The following KNL1 variants were observed in gnomAD, a reference collection of about 807,000 sequenced individuals.
KNL1 encodes the protein kinetochore scaffold 1, also known as outer kinetochore KNL1 complex subunit KNL1.
A neutral mutation model predicts 201.3 loss-of-function variants in KNL1; 66 were observed. The observed-to-expected ratio is 0.33, with a 90% confidence interval of 0.27 to 0.40. KNL1 has a LOEUF of 0.40. KNL1 is among the 10% of genes least tolerant of loss of function. The pLI, the probability that KNL1 is intolerant of heterozygous loss-of-function variation, is 1.00. For missense variants in KNL1, 2,815 were observed against 2,690.5 expected (o/e 1.05, Z -1.02); for synonymous variants, 895 against 899.2 (o/e 1.00, Z 0.08).
chr15:40,603,576 G>C lies in KNL1; in HGVS notation c.35+610G>C, dbSNP rs572454510. On this transcript the variant is annotated intron_variant, in intron 2 of 25. Coordinates refer to ENST00000399668, the MANE Select transcript of KNL1 (RefSeq NM_144508.5). ...ACTTGAGACCAGCCTGAGCAACATA[G>C]TAAGACACCCCCGCCCCCCCATCTC... Among the ~76,000 whole-genome samples, 160 of 152,284 alleles carry C rather than the reference G, an allele frequency of 1.1e-3. 2 individuals carry two copies. The South Asian group carries it at 0.018, about 17-fold the overall frequency.
intron 22 of KNL1, 61 bp downstream of exon 22, chr15:40,655,038 C>A: frequency 7.6e-7 from 1 of 1,316,796 alleles, no homozygotes; most frequent in Non-Finnish European, 1.1e-6. Context: ...TGGCTCATGC[C>A]TTTAATCCCA....
Position 40,622,218 on chromosome 15 carries a change from C to G in KNL1, c.1954C>G (p.Leu652Val), listed in dbSNP as rs375973443. The G allele has an allele frequency of 6.2e-7, 1 of 1,614,066 alleles. No homozygotes were observed. The highest frequency in any genetic ancestry group is 8.5e-7 in the Non-Finnish European group (1 of 1,179,956). ...TTGGGTTTTGAAGATTTTGCCCTAC[C>G]TTGATAAAGATTCTCCTCAGTCAGC... ...KDWVLKILPY[L>V]DKDSPQSADC... The change falls in exon 10 of 26, where the codon CTT becomes GTT. Residue 652 changes from leucine to valine, a missense_variant. Physicochemically the swap from Leu to Val is conservative, Grantham distance 32 (BLOSUM62 1). Coordinates refer to ENST00000399668, the MANE Select transcript of KNL1 (RefSeq NM_144508.5).
At position 40,621,105 on chromosome 15, in the gene KNL1, A is replaced by T. The variant is rs770406721; in HGVS notation, c.841A>T (p.Met281Leu). ...GCTCTTTAGAGAAAAAGATGATGGGATGAATTTCACCCAGTGTCATACAGC... is the reference window on the plus strand; with the variant it reads ...GCTCTTTAGAGAAAAAGATGATGGGTTGAATTTCACCCAGTGTCATACAGC... ...TRLFREKDDG[M>L]NFTQCHTANI... The change falls in exon 10 of 26, where the codon ATG becomes TTG. Residue 281 changes from methionine (M) to leucine (L), a missense_variant. This residue lies in a region of KNL1 where 2,464 missense variants were observed against 2,291.7 expected (regional missense o/e 1.08). Transcript: ENST00000399668. 5.0e-6 allele frequency: 8 copies of T among 1,613,440 alleles called. No homozygotes were observed. The highest frequency in any genetic ancestry group is 6.8e-6 in the Non-Finnish European group (8 of 1,179,684).
chr15:40,629,192 A>G, intron 12 of KNL1, 81 bp from the exon 13 acceptor site: 1 of 746,328 alleles, frequency 1.3e-6, no homozygotes, highest in African/African-American at 1.8e-5. Context: ...AGATACCTTA[A>G]GCTTTTAGAA....
intron 24 of KNL1, among the ~76,000 whole-genome samples, chr15:40,658,311 C>T (rs1398011927): frequency 4.0e-5 from 6 of 151,252 alleles, no homozygotes; most frequent in African/African-American, 7.3e-5. Flanking sequence ...AGGTGGATCA[C>T]GAGGTCAGGA....
chr15:40,658,827 G>A (rs1226596845), intron 24 of KNL1, among the ~76,000 whole-genome samples: 1 of 151,426 alleles, frequency 6.6e-6, no homozygotes, highest in East Asian at 1.9e-4. Flanking sequence ...CTAATCAGGA[G>A]GCTGAGGCAG....
chr15:40,657,817 T>C (rs1893777929), intron 24 of KNL1, among the ~76,000 whole-genome samples: 1 of 152,202 alleles, frequency 6.6e-6, no homozygotes, highest in African/African-American at 2.4e-5. Flanking sequence ...AACATATTAC[T>C]TGTGTAGTGA....
At chr15:40,630,843 G>C (rs762378776) in intron 13 of KNL1, among the ~76,000 whole-genome samples, 41 of 152,270 alleles carry the variant, frequency 2.7e-4, no homozygotes, top group Admixed American at 6.5e-4. Context: ...GTTCAGACTG[G>C]GCATGGTGGC....
chr15:40,646,481 T>G (rs923713852), intron 16 of KNL1, among the ~76,000 whole-genome samples: 1 of 152,018 alleles, frequency 6.6e-6, no homozygotes, highest in Non-Finnish European at 1.5e-5. Context: ...TTTCCAGAGT[T>G]CTTTTGGCTA....
rs780290051 is a variant in KNL1 at position 40,621,199 on chromosome 15, C to T, written c.935C>T (p.Thr312Ile). 3 of 1,611,720 alleles carry T rather than the reference C, an allele frequency of 1.9e-6. No homozygotes were observed. The highest frequency in any genetic ancestry group is 2.5e-6 in the Non-Finnish European group (3 of 1,178,608). Residue 312 changes from threonine (T) to isoleucine (I), a missense_variant, in exon 10 of 26, where the codon ACA becomes ATA. Thr to Ile is a moderately conservative substitution (Grantham distance 89). Coordinates refer to ENST00000399668, the MANE Select transcript of KNL1 (RefSeq NM_144508.5). ...CGGGAATCTAAAGGTAATGATATTA[C>T]AATTTATGGCAATGACTTTATGGAC... The part of the protein sequence containing the change: ...NSRESKGNDI[T>I]IYGNDFMDLT...
rs760818808 is a variant in KNL1, at chr15:40,629,262, T to C, written c.5584-11T>C. 1.9e-6 allele frequency: 3 copies of C among 1,544,682 alleles called. No individual in the cohort carries two copies. Among genetic ancestry groups the C allele is most frequent in the Non-Finnish European group, 2.6e-6 (3 of 1,144,968 alleles). On this transcript the variant is annotated splice_polypyrimidine_tract_variant and intron_variant, in intron 12 of 25. Transcript: ENST00000399668. ...TTGAATGGTCATGCAAACTTTTTTTTCTTTTCTCAGAAACTCCAAGATGGG... is the reference window on the plus strand; with the variant it reads ...TTGAATGGTCATGCAAACTTTTTTTCCTTTTCTCAGAAACTCCAAGATGGG...
At chr15:40,656,029 CTTAAA>C (rs1457013420) in intron 22 of KNL1, among the ~76,000 whole-genome samples, 1 of 152,046 alleles carries the variant, frequency 6.6e-6, no homozygotes, top group Non-Finnish European at 1.5e-5. Context: ...ATGTGTATTA[CTTAAA>C]TTAACACTAT....
At position 40,650,372 on chromosome 15, in the gene KNL1, GA is replaced by G; in HGVS notation, c.6171del (p.Glu2058AsnfsTer5). The G allele has an allele frequency of 6.2e-7, 1 of 1,611,680 alleles. No homozygotes were observed. Among genetic ancestry groups the G allele is most frequent in the Non-Finnish European group, 8.5e-7 (1 of 1,178,028 alleles). On this transcript the variant is annotated frameshift_variant, in exon 18 of 26. Transcript: ENST00000399668. LOFTEE classifies it high-confidence loss of function. ...EEWDSEMRAA[E>X]KELEQLKTEE... ...ATGGGATTCTGAAATGAGAGCTGCA[GA>G]AAAAGGTAATTGAATTAGTTAAGGA...
chr15:40,612,294 C>T (rs927531804), intron 7 of KNL1, among the ~76,000 whole-genome samples: 7 of 151,688 alleles, frequency 4.6e-5, no homozygotes, highest in Non-Finnish European at 1.0e-4. Flanking sequence ...CCAGCCTGGG[C>T]GACAGAGCGA....
chr15:40,623,379 T>G lies in KNL1; in HGVS notation c.3115T>G (p.Ser1039Ala), dbSNP rs1892615904. ...AGCTGATAACATGGAATTGTCTAAA[T>G]CAGCCACTTGCAAAAACATCAAAGA... ...EVADNMELSK[S>A]ATCKNIKDVQ... Residue 1039 changes from serine (S) to alanine (A), a missense_variant, in exon 10 of 26, where the codon TCA becomes GCA. Transcript: ENST00000399668. The G allele has an allele frequency of 6.2e-7, 1 of 1,613,972 alleles. No homozygotes were observed. The highest frequency in any genetic ancestry group is 1.7e-5 in the Admixed American group (1 of 60,000).
chr15:40,627,821 TTATAACTTAGATA>T (rs1178235848), intron 10 of KNL1, among the ~76,000 whole-genome samples: 1 of 152,170 alleles, frequency 6.6e-6, no homozygotes, highest in Non-Finnish European at 1.5e-5. Context: ...CAGGATCTGA[TTATAACTTAGATA>T]TATAATGAGA....
At chr15:40,655,012 T>C (rs1893680906) in intron 22 of KNL1, 35 bp downstream of exon 22, 2 of 1,548,270 alleles carry the variant, frequency 1.3e-6, no homozygotes, top group African/African-American at 1.4e-5. Context: ...TAAAAATTTG[T>C]TGGGGCTGGG....
Position 40,621,997 on chromosome 15 carries a change from A to G in KNL1, c.1733A>G (p.His578Arg). The G allele has an allele frequency of 6.2e-7, 1 of 1,614,110 alleles. No homozygotes were observed. The part of the protein sequence containing the change: ...SGENMDLTES[H>R]TSNLGSQVPL... ...GAAAATATGGATTTGACTGAAAGTCACACAAGTAACTTAGGAAGTCAGGTT... is the reference window on the plus strand; with the variant it reads ...GAAAATATGGATTTGACTGAAAGTCGCACAAGTAACTTAGGAAGTCAGGTT... Residue 578 changes from histidine to arginine, a missense_variant, in exon 10 of 26, where the codon CAC (histidine) becomes CGC (arginine). Physicochemically the swap from His to Arg is conservative, Grantham distance 29 (BLOSUM62 0). This residue lies in a region of KNL1 where 2,464 missense variants were observed against 2,291.7 expected (regional missense o/e 1.08). Coordinates refer to ENST00000399668, the MANE Select transcript of KNL1 (RefSeq NM_144508.5).
chr15:40,645,721 C>T lies in KNL1; in HGVS notation c.5955C>T (p.Phe1985=), dbSNP rs1325395662. The stretch of plus-strand genomic sequence containing the variant: ...GTTTTACCAAGATGACTAAAGTCTT[C>T]ACTCACCAAGGAAAAGTGGCTCTGT... ...KSCFTKMTKV[F]THQGKVALYG... Residue 1985 remains phenylalanine, a synonymous_variant, in exon 16 of 26, where the codon TTC becomes TTT. Coordinates refer to ENST00000399668, the MANE Select transcript of KNL1 (RefSeq NM_144508.5). 6.2e-7 allele frequency: 1 copy of T among 1,610,976 alleles called. No individual in the cohort carries two copies. Among genetic ancestry groups the T allele is most frequent in the African/African-American group, 1.3e-5 (1 of 74,806 alleles).
Sources: allele counts gnomAD v4.1 joint callset (sites outside exome capture counted in the v4.1 genomes callset), GRCh38; gene constraint gnomAD v4.1.1; regional missense constraint gnomAD v4.1.1; transcripts MANE v1.5; gene names NCBI Gene and HGNC (gene_info 2026-07-23, HGNC 2026-07-21).